Variants in EGFLAM observed in about 807,000 individuals in gnomAD.
EGFLAM encodes EGF like, fibronectin type III and laminin G domains.
EGFLAM carries 79 observed loss-of-function variants against 113.1 expected under a neutral mutation model. That is an observed-to-expected ratio of 0.70 (90% CI 0.58 to 0.84). EGFLAM has a LOEUF of 0.84. Among genes scored for constraint, EGFLAM ranks in the 40% least tolerant of loss-of-function variants. The probability of loss-of-function intolerance (pLI) is 0.00; values close to 1 mark genes in which losing one functional copy is unlikely to be tolerated. For missense variants in EGFLAM, 1,265 were observed against 1,291.6 expected (o/e 0.98, Z 0.32); for synonymous variants, 504 against 487.6 (o/e 1.03, Z -0.44).
intron 11 of EGFLAM, among the ~76,000 whole-genome samples, chr5:38,413,437 G>A (rs1741547793): frequency 6.6e-6 from 1 of 151,832 alleles, no homozygotes; most frequent in Non-Finnish European, 1.5e-5. Flanking sequence ...CAAAATGCAG[G>A]AATAAGCTGT....
intron 1 of EGFLAM, among the ~76,000 whole-genome samples, chr5:38,296,566 G>A (rs1758456689): frequency 6.6e-6 from 1 of 152,086 alleles, no homozygotes; most frequent in African/African-American, 2.4e-5. Flanking sequence ...AATAATAACT[G>A]AGGCAGGCAA....
At chr5:38,335,482 C>T (rs1739159733) in intron 1 of EGFLAM, among the ~76,000 whole-genome samples, 1 of 152,108 alleles carries the variant, frequency 6.6e-6, no homozygotes. Context: ...AAGAACAATT[C>T]CCAGAACTCG....
chr5:38,405,043 C>T (rs1345193548), intron 6 of EGFLAM, among the ~76,000 whole-genome samples: 3 of 152,066 alleles, frequency 2.0e-5, no homozygotes, highest in African/African-American at 7.2e-5. Flanking sequence ...TTTAGTTGTC[C>T]TGCTAAGATG....
rs1205161716 is a variant in EGFLAM at position 38,464,926 on chromosome 5, CAT to C, written c.*941_*942del. ...TCCAAGATAAGCAGATTAAAAGGAA[CAT>C]GTGTTACCGAGGTAGGTCACTGTCA... On this transcript the variant is annotated 3_prime_UTR_variant, in exon 22 of 22. Coordinates refer to ENST00000322350, the MANE Select transcript of EGFLAM (RefSeq NM_152403.4). 6.6e-6 allele frequency: 1 copy of C among 152,162 alleles called. No homozygotes were observed. The highest frequency in any genetic ancestry group is 1.5e-5 in the Non-Finnish European group (1 of 68,040). 9.4% of individuals were successfully genotyped at this position (152,162 alleles called of 1,614,324 possible). A position where few individuals can be genotyped will look rare whatever the true frequency, so the allele number is the denominator to read the frequency against.
chr5:38,352,160 C>A, intron 4 of EGFLAM, 36 bp from the exon 5 acceptor site: 7 of 1,613,206 alleles, frequency 4.3e-6, no homozygotes, highest in Non-Finnish European at 5.1e-6. Flanking sequence ...GCTGAGACCA[C>A]CAGCCTAGTC....
chr5:38,316,054 G>A (rs2111876577), intron 1 of EGFLAM, among the ~76,000 whole-genome samples: 1 of 141,148 alleles, frequency 7.1e-6, no homozygotes, highest in Admixed American at 7.2e-5. Context: ...CCCAGCCTGG[G>A]CAACAGAGCA....
At chr5:38,366,115 CCTCA>C (rs1462387615) in intron 5 of EGFLAM, among the ~76,000 whole-genome samples, 6 of 152,186 alleles carry the variant, frequency 3.9e-5, no homozygotes, top group African/African-American at 1.4e-4. Context: ...ACCACCCTAT[CCTCA>C]CTAAGTTTCC....
chr5:38,342,978 C>G (rs1480436249), intron 3 of EGFLAM, among the ~76,000 whole-genome samples: 1 of 152,126 alleles, frequency 6.6e-6, no homozygotes, highest in Admixed American at 6.6e-5. Flanking sequence ...GCTTTAGAGT[C>G]CACTGGTTGA....
chr5:38,307,044 G>A (rs1758737940), intron 1 of EGFLAM, among the ~76,000 whole-genome samples: 1 of 152,176 alleles, frequency 6.6e-6, no homozygotes. Context: ...AAGTCATCTT[G>A]GAAGTGGATC....
intron 18 of EGFLAM, among the ~76,000 whole-genome samples, chr5:38,449,187 C>T (rs1276560199): frequency 3.3e-5 from 5 of 152,184 alleles, no homozygotes; most frequent in Non-Finnish European, 7.3e-5. Flanking sequence ...CTGGGATTTT[C>T]CTTCCTCTTC....
chr5:38,394,361 G>T (rs181551222), intron 6 of EGFLAM, among the ~76,000 whole-genome samples: 1 of 151,808 alleles, frequency 6.6e-6, no homozygotes, highest in Admixed American at 6.6e-5. Context: ...ATTCCTTCTT[G>T]TGTTACGTGT....
intron 14 of EGFLAM, among the ~76,000 whole-genome samples, chr5:38,428,534 T>C (rs1742088892): frequency 6.6e-6 from 1 of 152,256 alleles, no homozygotes; most frequent in African/African-American, 2.4e-5. Flanking sequence ...AGCAATTCAC[T>C]TAGAACTGTA....
intron 6 of EGFLAM, among the ~76,000 whole-genome samples, chr5:38,389,353 G>A (rs1277530838): frequency 6.6e-6 from 1 of 152,070 alleles, no homozygotes; most frequent in Non-Finnish European, 1.5e-5. Flanking sequence ...TTTTTCTAAA[G>A]CATCTTAATT....
At chr5:38,386,599 T>C (rs1484285432) in intron 6 of EGFLAM, among the ~76,000 whole-genome samples, 1 of 152,232 alleles carries the variant, frequency 6.6e-6, no homozygotes, top group Non-Finnish European at 1.5e-5. Context: ...CTCTGCTTCC[T>C]GGGCTCAAGT....
intron 1 of EGFLAM, among the ~76,000 whole-genome samples, chr5:38,263,859 TA>T (rs1226298220): frequency 6.6e-6 from 1 of 152,226 alleles, no homozygotes; most frequent in Non-Finnish European, 1.5e-5. Flanking sequence ...CTTTATTTTC[TA>T]AGCACTCTTA....
At chr5:38,376,073 C>A (rs187962502) in intron 6 of EGFLAM, among the ~76,000 whole-genome samples, 2 of 151,862 alleles carry the variant, frequency 1.3e-5, no homozygotes, top group Admixed American at 6.5e-5. Context: ...TTTTTCCCTG[C>A]AAGAAAGAAA....
chr5:38,284,930 C>A (rs187091918), intron 1 of EGFLAM, among the ~76,000 whole-genome samples: 1 of 152,234 alleles, frequency 6.6e-6, no homozygotes, highest in Non-Finnish European at 1.5e-5. Flanking sequence ...CTGATCCATA[C>A]CCCATTCTGC....
intron 1 of EGFLAM, among the ~76,000 whole-genome samples, chr5:38,327,618 T>C (rs1441408938): frequency 1.3e-5 from 2 of 152,202 alleles, no homozygotes; most frequent in Middle Eastern, 3.2e-3. Context: ...TTTTAATAGA[T>C]TTTTTATTTT....
rs189718112 is a variant in EGFLAM, at chr5:38,338,816, C to A, written c.291+35C>A. ...TCCATCCTGGCAGCCCACTCAAAAG[C>A]ATGTGGGCACTATTCGGGCGGATTG... is the stretch of plus-strand genomic sequence containing the variant. On this transcript the variant is annotated intron_variant, in intron 3 of 21. Transcript: ENST00000322350. 1.6e-3 allele frequency: 2,564 copies of A among 1,572,110 alleles called. 4 individuals carry two copies. Among genetic ancestry groups the A allele is most frequent in the Admixed American group, 2.6e-3 (155 of 59,922 alleles).
Sources: allele counts gnomAD v4.1 joint callset (sites outside exome capture counted in the v4.1 genomes callset), GRCh38; gene constraint gnomAD v4.1.1; transcripts MANE v1.5; gene names NCBI Gene and HGNC (gene_info 2026-07-23, HGNC 2026-07-21).